ACTN2: variants seen among roughly 807,000 people sequenced by gnomAD.
ACTN2 encodes alpha-actinin-2.
Under a neutral mutation model 113.8 loss-of-function variants are expected in ACTN2, and 39 were observed. The ratio of observed to expected loss-of-function variants is 0.34; its 90% CI spans 0.27 to 0.45. ACTN2 has a LOEUF of 0.45. ACTN2 is among the 20% of genes least tolerant of loss of function. The probability of loss-of-function intolerance (pLI) is 1.00; values close to 1 mark genes in which losing one functional copy is unlikely to be tolerated. For missense variants in ACTN2, 992 were observed against 1,177.9 expected, an observed-to-expected ratio of 0.84 and a Z score of 2.31; for synonymous variants, 429 against 444.1, an observed-to-expected ratio of 0.97 and a Z score of 0.43.
At chr1:236,737,297 G>GTAAATATATATA in intron 9 of ACTN2, 83 bp downstream of exon 9, 2 of 318,344 alleles carry the variant, frequency 6.3e-6, no homozygotes, top group Non-Finnish European at 1.3e-5. Flanking sequence ...CTCCGTGGGG[G>GTAAATATATATA]CATATATATA....
chr1:236,719,030 G>C lies in ACTN2; in HGVS notation c.361+17G>C. 1 of 1,613,602 alleles carries C rather than the reference G, an allele frequency of 6.2e-7. No individual in the cohort carries two copies. The highest frequency in any genetic ancestry group is 2.2e-5 in the East Asian group (1 of 44,866). ...GCGCTGAAGGTGAGAGGTGTGGTGG[G>C]TGGTCCTGTCTGCCACACTGACCTA... On this transcript the variant is annotated intron_variant, in intron 3 of 20. Coordinates refer to ENST00000366578, the MANE Select transcript of ACTN2 (RefSeq NM_001103.4).
intron 9 of ACTN2, among the ~76,000 whole-genome samples, chr1:236,738,307 C>T (rs1443952893): frequency 6.6e-6 from 1 of 152,242 alleles, no homozygotes; most frequent in African/African-American, 2.4e-5. Context: ...CCGCACCTGG[C>T]CTTCTTTTTA....
intron 8 of ACTN2, chr1:236,736,897 C>A (rs1658894276): frequency 1.6e-6 from 1 of 612,358 alleles, no homozygotes; most frequent in Admixed American, 2.5e-5. Context: ...TCCCTACAGT[C>A]TAATCAGCCT....
chr1:236,755,306 A>G, intron 17 of ACTN2, 108 bp downstream of exon 17: 2 of 1,317,116 alleles, frequency 1.5e-6, no homozygotes, highest in Non-Finnish European at 2.2e-6. Context: ...GTTAAGACCT[A>G]CAAGTATGAA....
chr1:236,740,182 C>T (rs1361153733), intron 10 of ACTN2, among the ~76,000 whole-genome samples: 1 of 152,088 alleles, frequency 6.6e-6, no homozygotes, highest in African/African-American at 2.4e-5. Flanking sequence ...GGCGTGATCT[C>T]AGCTCACTGC....
chr1:236,719,621 TC>T (rs1186517117), intron 3 of ACTN2, among the ~76,000 whole-genome samples: 9 of 152,144 alleles, frequency 5.9e-5, no homozygotes, highest in Non-Finnish European at 8.8e-5. Flanking sequence ...AAACCCCATC[TC>T]TACTAAATTT....
rs78247505 is a variant in ACTN2, at chr1:236,713,244, T to G, written c.127-4614T>G. On this transcript the variant is annotated intron_variant, in intron 1 of 20. Transcript: ENST00000366578. ...CTTTTTTCTTTTTTTTTTTTTCTTTTGAGACGGAGTTTCACTCCTGTTTCC... is the reference window on the plus strand; with the variant it reads ...CTTTTTTCTTTTTTTTTTTTTCTTTGGAGACGGAGTTTCACTCCTGTTTCC... Among the ~76,000 whole-genome samples, 1,196 of 152,018 alleles carry G rather than the reference T, an allele frequency of 7.9e-3. 6 individuals carry two copies. Among genetic ancestry groups the G allele is most frequent in the Middle Eastern group, 0.017 (5 of 294 alleles).
chr1:236,727,852 G>A (rs1658599610), intron 6 of ACTN2, 96 bp downstream of exon 6: 1 of 1,201,686 alleles, frequency 8.3e-7, no homozygotes. Context: ...ACAAACCCCA[G>A]GGCCACCTGC....
rs1376436241 is a variant in ACTN2 at position 236,720,323 on chromosome 1, T to C, written c.448+132T>C. ...TGAGAGACATGTAAGTGGGTTCTTA[T>C]AAATTTTGTATGTGTATAGGAAAAG... is the stretch of plus-strand genomic sequence containing the variant. On this transcript the variant is annotated intron_variant, in intron 4 of 20. Transcript: ENST00000366578. 5 of 753,682 alleles carry C rather than the reference T, an allele frequency of 6.6e-6. No homozygotes were observed. In the East Asian group the frequency reaches 8.0e-5, roughly 12 times the overall value. 46.7% of individuals were successfully genotyped at this position (753,682 alleles called of 1,614,324 possible). A position where few individuals can be genotyped will look rare whatever the true frequency, so the allele number is the denominator to read the frequency against.
intron 4 of ACTN2, among the ~76,000 whole-genome samples, chr1:236,725,242 A>T (rs1017092362): frequency 1.3e-5 from 2 of 152,202 alleles, no homozygotes; most frequent in Admixed American, 6.5e-5. Context: ...CAGCATCCAC[A>T]GCCTCCTTTT....
chr1:236,724,039 G>A (rs886349026), intron 4 of ACTN2, among the ~76,000 whole-genome samples: 1 of 152,176 alleles, frequency 6.6e-6, no homozygotes, highest in Non-Finnish European at 1.5e-5. Flanking sequence ...ACATGCCATA[G>A]CATGGATGGC....
chr1:236,688,134 A>G (rs1303563541), intron 1 of ACTN2, among the ~76,000 whole-genome samples: 2 of 152,220 alleles, frequency 1.3e-5, no homozygotes, highest in Admixed American at 6.5e-5. Context: ...CAGCTGATGC[A>G]TCATCCATCA....
At chr1:236,752,290 C>T (rs1260158791) in intron 15 of ACTN2, among the ~76,000 whole-genome samples, 4 of 152,064 alleles carry the variant, frequency 2.6e-5, no homozygotes, top group African/African-American at 9.7e-5. Context: ...AAGTCCACCA[C>T]GTGGGTCTGA....
intron 1 of ACTN2, among the ~76,000 whole-genome samples, chr1:236,712,613 A>T (rs1482513690): frequency 6.6e-6 from 1 of 152,126 alleles, no homozygotes; most frequent in Non-Finnish European, 1.5e-5. Context: ...GAGCCATGAT[A>T]GCACCACTGC....
rs1387338035 is a variant in ACTN2, at chr1:236,759,364, A to G, written c.2302-360A>G. Among the ~76,000 whole-genome samples, 3 of 152,220 alleles carry G rather than the reference A, an allele frequency of 2.0e-5. No homozygotes were observed. In the South Asian group the frequency reaches 6.2e-4, roughly 32 times the overall value. ...TCACAATCTTTTGCAACAAAAGTCC[A>G]AGGAGTACAATGCAGAACTTACCAT... is the stretch of plus-strand genomic sequence containing the variant. On this transcript the variant is annotated intron_variant, in intron 18 of 20. Transcript: ENST00000366578.
At position 236,761,076 on chromosome 1, in the gene ACTN2, C is replaced by T; in HGVS notation, c.2429C>T (p.Thr810Ile). 1 of 1,614,196 alleles carries T rather than the reference C, an allele frequency of 6.2e-7. No homozygotes were observed. Among genetic ancestry groups the T allele is most frequent in the Non-Finnish European group, 8.5e-7 (1 of 1,180,030 alleles). ...GATCCCAACGGGCAAGGCACCGTCA[C>T]CTTCCAATCCTTCATCGACTTCATG... ...LVDPNGQGTV[T>I]FQSFIDFMTR... The change falls in exon 20 of 21, where the codon ACC becomes ATC. Residue 810 changes from threonine to isoleucine, a missense_variant. By Grantham distance (89) the Thr-to-Ile change is moderately conservative. Coordinates refer to ENST00000366578, the MANE Select transcript of ACTN2 (RefSeq NM_001103.4).
At position 236,725,666 on chromosome 1, in the gene ACTN2, G is replaced by A. The variant is rs528463640; in HGVS notation, c.449-267G>A. On this transcript the variant is annotated intron_variant, in intron 4 of 20. Transcript: ENST00000366578. ...AAAGTATTTTCATTTAAAAAGGGGC[G>A]AGTCACCAACCACCCTGAAGTCTAG... Among the ~76,000 whole-genome samples the A allele has an allele frequency of 9.9e-5, 15 of 152,150 alleles. No homozygotes were observed. In the East Asian group the frequency reaches 2.5e-3, roughly 25 times the overall value.
intron 15 of ACTN2, 139 bp downstream of exon 15, chr1:236,751,791 A>C: frequency 9.9e-7 from 1 of 1,013,188 alleles, no homozygotes; most frequent in Non-Finnish European, 1.5e-6. Context: ...CCCAAATTTC[A>C]CAGGCAAAAC....
chr1:236,691,409 A>G (rs571816938), intron 1 of ACTN2, among the ~76,000 whole-genome samples: 1 of 152,128 alleles, frequency 6.6e-6, no homozygotes, highest in East Asian at 1.9e-4. Context: ...TTGAGAGGCC[A>G]AGGTAGGAAG....
Sources: allele counts gnomAD v4.1 joint callset (sites outside exome capture counted in the v4.1 genomes callset), GRCh38; gene constraint gnomAD v4.1.1; transcripts MANE v1.5; gene names NCBI Gene and HGNC (gene_info 2026-07-23, HGNC 2026-07-21).